The following ROBO2 variants were observed in gnomAD, a reference collection of about 807,000 sequenced individuals.
ROBO2 encodes the protein roundabout homolog 2.
In ROBO2, 53 loss-of-function variants were observed where a neutral mutation model predicts 160.8. The ratio of observed to expected loss-of-function variants is 0.33; its 90% confidence interval spans 0.26 to 0.41. The LOEUF (loss-of-function observed/expected upper bound fraction) is 0.41. Among genes scored for constraint, ROBO2 ranks in the 10% least tolerant of loss-of-function variants. The pLI, the probability that ROBO2 is intolerant of heterozygous loss-of-function variation, is 1.00. For missense variants in ROBO2, 1,577 were observed against 1,722.4 expected, an observed-to-expected ratio of 0.92 and a Z score of 1.49; for synonymous variants, 664 against 611.7, an observed-to-expected ratio of 1.09 and a Z score of -1.26.
intron 2 of ROBO2, among the ~76,000 whole-genome samples, chr3:76,311,697 G>T (rs967986617): frequency 2.6e-5 from 4 of 152,234 alleles, no homozygotes; most frequent in Non-Finnish European, 5.9e-5. Context: ...TCTAGTGCAA[G>T]AATATATGTG....
intron 2 of ROBO2, among the ~76,000 whole-genome samples, chr3:76,911,384 T>C (rs1223229101): frequency 6.6e-6 from 1 of 152,192 alleles, no homozygotes; most frequent in Non-Finnish European, 1.5e-5. Flanking sequence ...GGGAAAAACA[T>C]GGCAGTGCCT....
At chr3:75,989,804 G>C (rs1456974031) in intron 2 of ROBO2, among the ~76,000 whole-genome samples, 5 of 152,242 alleles carry the variant, frequency 3.3e-5, no homozygotes, top group African/African-American at 1.2e-4. Context: ...CTGATGAGAA[G>C]TTGTAGAAGT....
intron 2 of ROBO2, among the ~76,000 whole-genome samples, chr3:76,090,702 T>G (rs569909958): frequency 6.6e-6 from 1 of 152,274 alleles, no homozygotes; most frequent in South Asian, 2.1e-4. Flanking sequence ...ACTCTAAAGC[T>G]ATTGTAATCA....
At chr3:77,543,106 T>C (rs1410373070) in intron 6 of ROBO2, among the ~76,000 whole-genome samples, 1 of 152,154 alleles carries the variant, frequency 6.6e-6, no homozygotes, top group African/African-American at 2.4e-5. Flanking sequence ...AGCTCTTAGT[T>C]GTCCTCCAAA....
At chr3:75,953,672 C>A (rs1262387321) in intron 2 of ROBO2, among the ~76,000 whole-genome samples, 1 of 151,810 alleles carries the variant, frequency 6.6e-6, no homozygotes. Flanking sequence ...TATATAGGCC[C>A]CTTTCAAACA....
intron 2 of ROBO2, among the ~76,000 whole-genome samples, chr3:76,116,012 A>G (rs13081946): frequency 0.3 from 45,470 of 152,068 alleles, 7,000 homozygotes; most frequent in Non-Finnish European, 0.34. Flanking sequence ...AACACTATTA[A>G]CTGGTTTTAA....
At chr3:76,362,150 G>A (rs10451950) in intron 2 of ROBO2, among the ~76,000 whole-genome samples, 27,052 of 151,932 alleles carry the variant, frequency 0.18, 3,416 homozygotes, top group African/African-American at 0.36. Context: ...GGATCAGTTG[G>A]ATCCAGGAGT....
rs540719449 is a variant in ROBO2 at position 77,169,891 on chromosome 3, G to A, written c.388+71551G>A. On this transcript the variant is annotated intron_variant, in intron 2 of 25. Transcript: ENST00000461745. ...GAGCATGAGCCTCCCCACTGTGGTC[G>A]TCCTGGGGTCTCTGGGGGGTGGGAT... 7.8e-4 allele frequency among the ~76,000 whole-genome samples: 119 copies of A among 152,260 alleles called. 1 individual carries two copies. Among genetic ancestry groups the A allele is most frequent in the African/African-American group, 2.6e-3 (108 of 41,552 alleles).
Position 76,004,338 on chromosome 3 carries a change from C to T in ROBO2, c.109+66736C>T, listed in dbSNP as rs530693353. On this transcript the variant is annotated intron_variant, in intron 2 of 26. Transcript: ENST00000487694. ...ATTATTTAATAGCCAAAACTGTAGC[C>T]ACCCAAATCTGAGTGGGGTAGACAG... Among the ~76,000 whole-genome samples the T allele has an allele frequency of 1.6e-3, 250 of 152,198 alleles. 2 individuals carry two copies. Among genetic ancestry groups the T allele is most frequent in the African/African-American group, 5.8e-3 (239 of 41,516 alleles).
intron 2 of ROBO2, among the ~76,000 whole-genome samples, chr3:76,425,487 AGTGTGTGTGTGTGTGTGTGT>A (rs10530471): frequency 6.8e-6 from 1 of 146,468 alleles, no homozygotes. Flanking sequence ...TGATGCAGCA[AGTGTGTGTGTGTGTGTGTGT>A]GTGTGTGTGT....
At chr3:76,839,885 T>A (rs1165919864) in intron 2 of ROBO2, among the ~76,000 whole-genome samples, 2 of 152,210 alleles carry the variant, frequency 1.3e-5, no homozygotes, top group African/African-American at 2.4e-5. Flanking sequence ...TCTTCATGGA[T>A]AAATCTTGGT....
chr3:76,967,833 T>C (rs9309756), intron 2 of ROBO2, among the ~76,000 whole-genome samples: 75,538 of 151,948 alleles, frequency 0.5, 19,942 homozygotes, highest in African/African-American at 0.69. Flanking sequence ...GCCTGAGCCG[T>C]GCCTAGCCTA....
At chr3:76,739,308 T>G (rs1014530926) in intron 2 of ROBO2, among the ~76,000 whole-genome samples, 2 of 152,072 alleles carry the variant, frequency 1.3e-5, no homozygotes, top group Non-Finnish European at 2.9e-5. Context: ...CCATAAAAAA[T>G]GATGAGTTCA....
chr3:76,242,796 G>A (rs934438029), intron 2 of ROBO2, among the ~76,000 whole-genome samples: 1 of 152,068 alleles, frequency 6.6e-6, no homozygotes, highest in East Asian at 1.9e-4. Flanking sequence ...AAGGTGGGAA[G>A]GTCGCCTGAG....
intron 2 of ROBO2, among the ~76,000 whole-genome samples, chr3:75,951,994 A>C (rs1559779014): frequency 1.3e-5 from 2 of 152,020 alleles, no homozygotes. Flanking sequence ...TATGGAAAAG[A>C]GAAAAAAGAA....
intron 2 of ROBO2, among the ~76,000 whole-genome samples, chr3:76,819,857 T>A (rs946945453): frequency 6.6e-6 from 1 of 152,118 alleles, no homozygotes; most frequent in Non-Finnish European, 1.5e-5. Context: ...GCAGTTTCAA[T>A]TGGGACCTGT....
chr3:76,624,154 A>T (rs2089441699), intron 2 of ROBO2, among the ~76,000 whole-genome samples: 1 of 152,254 alleles, frequency 6.6e-6, no homozygotes, highest in Non-Finnish European at 1.5e-5. Context: ...TATTAATTTC[A>T]ACCATTACAC....
At chr3:77,250,823 C>T (rs2090259936) in intron 2 of ROBO2, among the ~76,000 whole-genome samples, 1 of 152,110 alleles carries the variant, frequency 6.6e-6, no homozygotes, top group South Asian at 2.1e-4. Flanking sequence ...GGAACTGACT[C>T]CCACTATAAC....
intron 2 of ROBO2, among the ~76,000 whole-genome samples, chr3:76,302,539 G>T (rs1038525255): frequency 1.3e-5 from 2 of 152,058 alleles, no homozygotes; most frequent in Non-Finnish European, 2.9e-5. Context: ...GCACAATGAC[G>T]TTTTGGTCAG....
Sources: allele counts gnomAD v4.1 joint callset (sites outside exome capture counted in the v4.1 genomes callset), GRCh38; gene constraint gnomAD v4.1.1; transcripts MANE v1.5; gene names NCBI Gene and HGNC (gene_info 2026-07-23, HGNC 2026-07-21).